PRH1: variants seen among roughly 807,000 people sequenced by gnomAD.
PRH1 encodes the protein proline rich protein HaeIII subfamily 1.
Under a neutral mutation model 7.9 loss-of-function variants are expected in PRH1, and 7 were observed. That is an observed-to-expected ratio of 0.89 (90% CI 0.50 to 1.67). PRH1 has a LOEUF of 1.67. Ranked by LOEUF, PRH1 falls within the 40% of genes most tolerant of loss-of-function variation. PRH1 has a pLI of 0.00. For synonymous variants in PRH1, 45 were observed against 80.8 expected, an observed-to-expected ratio of 0.56 and a Z score of 2.38; for missense variants, 109 against 223.6, an observed-to-expected ratio of 0.49 and a Z score of 3.27.
intron 1 of PRH1, among the ~76,000 whole-genome samples, chr12:11,026,126 C>T (rs370485695): frequency 6.6e-6 from 1 of 152,202 alleles, no homozygotes; most frequent in East Asian, 1.9e-4. Flanking sequence ...GCCTGGAACT[C>T]CTGCGCTCAA....
intron 1 of PRH1, among the ~76,000 whole-genome samples, chr12:11,094,497 T>C (rs1945029158): frequency 8.9e-6 from 1 of 112,918 alleles, no homozygotes; most frequent in Non-Finnish European, 2.1e-5. Context: ...AGATGGGGAA[T>C]GGCAAAGGTT....
intron 2 of PRH1, among the ~76,000 whole-genome samples, chr12:10,967,387 T>C (rs1216299203): frequency 6.6e-6 from 1 of 152,174 alleles, no homozygotes; most frequent in Admixed American, 6.5e-5. Flanking sequence ...ATAAAAATGG[T>C]AAACACAGCA....
chr12:11,140,435 T>C (rs1946670813), intron 1 of PRH1, among the ~76,000 whole-genome samples: 1 of 152,160 alleles, frequency 6.6e-6, no homozygotes, highest in African/African-American at 2.4e-5. Context: ...TGGTCAAGAT[T>C]CCCTTTAAGG....
chr12:10,949,982 A>C (rs1950544946), intron 2 of PRH1, among the ~76,000 whole-genome samples: 1 of 152,182 alleles, frequency 6.6e-6, no homozygotes, highest in Non-Finnish European at 1.5e-5. Flanking sequence ...AATTATATTG[A>C]ATATTTTTTC....
At chr12:11,088,644 A>G (rs1415561134) in intron 1 of PRH1, among the ~76,000 whole-genome samples, 1 of 113,644 alleles carries the variant, frequency 8.8e-6, no homozygotes, top group African/African-American at 3.0e-5. Flanking sequence ...TGGAGACAAC[A>G]TATTCCACAT....
At chr12:10,946,987 G>A (rs961373384) in intron 2 of PRH1, among the ~76,000 whole-genome samples, 1 of 152,034 alleles carries the variant, frequency 6.6e-6, no homozygotes, top group Non-Finnish European at 1.5e-5. Context: ...ACTGTGGCCT[G>A]AGAGTGTGTT....
intron 1 of PRH1, among the ~76,000 whole-genome samples, chr12:11,141,214 T>A (rs1299306442): frequency 6.6e-6 from 1 of 152,198 alleles, no homozygotes; most frequent in Non-Finnish European, 1.5e-5. Context: ...AACTTACCAC[T>A]CATGCTTAGG....
chr12:11,055,378 C>A (rs72477406), intron 1 of PRH1, among the ~76,000 whole-genome samples: 11,070 of 86,764 alleles, frequency 0.13, no homozygotes, highest in Non-Finnish European at 0.17. Flanking sequence ...TTAAGGCAGG[C>A]CTAATATCAA....
intron 3 of PRH1, among the ~76,000 whole-genome samples, chr12:10,881,779 T>C (rs955497950): frequency 6.6e-6 from 1 of 152,174 alleles, no homozygotes; most frequent in African/African-American, 2.4e-5. Flanking sequence ...AATGTAAGTA[T>C]ACTAAAAATG....
intron 1 of PRH1, among the ~76,000 whole-genome samples, chr12:11,074,232 G>C (rs1425091926): frequency 6.7e-6 from 1 of 148,986 alleles, no homozygotes; most frequent in Non-Finnish European, 1.5e-5. Flanking sequence ...AGCACAGTCT[G>C]ATACAAAAAT....
chr12:11,138,994 T>C (rs1434459184), intron 1 of PRH1, among the ~76,000 whole-genome samples: 2 of 152,180 alleles, frequency 1.3e-5, no homozygotes, highest in African/African-American at 4.8e-5. Flanking sequence ...GAGCCGCGAT[T>C]GCACTTGTGC....
At chr12:10,986,537 G>C (rs113264845) in intron 1 of PRH1, 2 of 1,614,102 alleles carry the variant, frequency 1.2e-6, no homozygotes, top group Non-Finnish European at 1.7e-6. Flanking sequence ...TGGCAATCTT[G>C]AGCAAATAAA....
Sources: gnomAD v4.1 joint callset for allele counts (sites outside exome capture counted in the v4.1 genomes callset) on GRCh38, gnomAD v4.1.1 for gene constraint, MANE v1.5 for transcripts, NCBI Gene and HGNC (gene_info 2026-07-23, HGNC 2026-07-21) for gene names.